Variants in NOD1 observed in about 807,000 individuals in gnomAD.
NOD1 encodes the protein nucleotide-binding oligomerization domain-containing protein 1.
In NOD1, 70 loss-of-function variants were observed where a neutral mutation model predicts 81.2. The ratio of observed to expected loss-of-function variants is 0.86; its 90% CI spans 0.71 to 1.05. The LOEUF is 1.05. Ranked by LOEUF, NOD1 falls within the 50% of genes least tolerant of loss-of-function variation. The pLI is 0.00. For synonymous variants in NOD1, 508 were observed against 526.9 expected (o/e 0.96, Z 0.49); for missense variants, 1,233 against 1,228.0 (o/e 1.00, Z -0.06).
chr7:30,476,865 G>C (rs2128114466), intron 1 of NOD1, among the ~76,000 whole-genome samples: 1 of 152,310 alleles, frequency 6.6e-6, no homozygotes, highest in East Asian at 1.9e-4. Context: ...GCGTTGAAGG[G>C]AACATTTTAT....
In NOD1 at chr7:30,456,866, T is replaced by TG. The variant is rs1276522313; in HGVS notation, c.55dup (p.His19ProfsTer30). On this transcript the variant is annotated frameshift_variant, in exon 4 of 14. Coordinates refer to ENST00000222823, the MANE Select transcript of NOD1 (RefSeq NM_006092.4). LOFTEE classifies it high-confidence loss of function. Reference sequence around the variant, plus strand: ...CCGATTGCTTTTCAGTAATTGAATGTGGGGGTGAGACTCTGATGGGATTAT... The same window carrying TG: ...CCGATTGCTTTTCAGTAATTGAATGTGGGGGGTGAGACTCTGATGGGATTAT... The TG allele has an allele frequency of 1.2e-6, 2 of 1,614,078 alleles. No homozygotes were observed. The highest frequency in any genetic ancestry group is 1.3e-5 in the African/African-American group (1 of 74,920).
chr7:30,461,681 A>G (rs1041762167), intron 1 of NOD1, among the ~76,000 whole-genome samples: 2 of 152,336 alleles, frequency 1.3e-5, no homozygotes, highest in East Asian at 3.9e-4. Context: ...TTGAGACATC[A>G]GAGTTCCTGC....
At chr7:30,433,262 C>T in intron 11 of NOD1, 83 bp from the exon 12 acceptor site, 2 of 1,046,958 alleles carry the variant, frequency 1.9e-6, no homozygotes, top group Admixed American at 1.9e-5. Flanking sequence ...GGGAGCTCAG[C>T]CCAAGGCTCT....
intron 1 of NOD1, among the ~76,000 whole-genome samples, chr7:30,462,008 G>T (rs1388392240): frequency 6.6e-6 from 1 of 152,184 alleles, no homozygotes; most frequent in Non-Finnish European, 1.5e-5. Flanking sequence ...AAAGTGCTGG[G>T]ATTACAGGTG....
intron 8 of NOD1, 24 bp from the exon 9 acceptor site, chr7:30,446,248 C>A: frequency 1.3e-6 from 2 of 1,582,782 alleles, no homozygotes; most frequent in South Asian, 1.1e-5. Flanking sequence ...CACACACAGT[C>A]AGCCTCCAGC....
At chr7:30,475,673 T>C (rs1583905469) in intron 1 of NOD1, among the ~76,000 whole-genome samples, 2 of 152,218 alleles carry the variant, frequency 1.3e-5, no homozygotes, top group African/African-American at 4.8e-5. Flanking sequence ...GAAGGGCCGG[T>C]GGCATGCCTG....
chr7:30,431,456 C>A (rs1251035833), intron 12 of NOD1, among the ~76,000 whole-genome samples: 1 of 152,190 alleles, frequency 6.6e-6, no homozygotes, highest in Non-Finnish European at 1.5e-5. Context: ...ACATATAAAT[C>A]AATGGACCAG....
intron 11 of NOD1, among the ~76,000 whole-genome samples, 165 bp downstream of exon 11, chr7:30,435,833 C>A (rs1412462857): frequency 2.0e-5 from 3 of 152,088 alleles, no homozygotes; most frequent in Non-Finnish European, 4.4e-5. Flanking sequence ...GTGGTGCATG[C>A]CTATAGTCTC....
Position 30,448,393 on chromosome 7 carries a change from C to T in NOD1, c.2202-12G>A, listed in dbSNP as rs772113099. On this transcript the variant is annotated splice_polypyrimidine_tract_variant and intron_variant, in intron 6 of 13. Coordinates refer to ENST00000222823, the MANE Select transcript of NOD1 (RefSeq NM_006092.4). ...GGTTTACGCTGAGTCTGAAATAAAACAGCAAAAAAATTACGAGTCAGGGCA... is the reference window on the plus strand; with the variant it reads ...GGTTTACGCTGAGTCTGAAATAAAATAGCAAAAAAATTACGAGTCAGGGCA... 1.4e-5 allele frequency: 22 copies of T among 1,611,282 alleles called. No individual in the cohort carries two copies. In the Admixed American group the frequency reaches 1.7e-4, roughly 12 times the overall value.
chr7:30,474,711 G>A (rs1041472353), intron 1 of NOD1, among the ~76,000 whole-genome samples: 4 of 152,202 alleles, frequency 2.6e-5, no homozygotes, highest in East Asian at 1.9e-4. Flanking sequence ...AGAGGCCACC[G>A]ACTGGTATTG....
intron 11 of NOD1, among the ~76,000 whole-genome samples, chr7:30,435,569 A>T (rs991922985): frequency 7.9e-5 from 12 of 152,240 alleles, no homozygotes; most frequent in African/African-American, 2.9e-4. Context: ...AACTTAACTG[A>T]AAGGCCTAGA....
rs780131661 is a variant in NOD1, at chr7:30,448,366, C to T, written c.2217G>A (p.Gln739=). The change falls in exon 7 of 14, where the codon CAG becomes CAA. Residue 739 remains glutamine, a synonymous_variant. Coordinates refer to ENST00000222823, the MANE Select transcript of NOD1 (RefSeq NM_006092.4). The part of the protein sequence containing the change: ...RLTVLRLSVN[Q]ITDGGVKVLS... ...GCACCTTTACCCCACCGTCAGTGATCTGGTTTACGCTGAGTCTGAAATAAA... is the reference window on the plus strand; with the variant it reads ...GCACCTTTACCCCACCGTCAGTGATTTGGTTTACGCTGAGTCTGAAATAAA... 6.2e-7 allele frequency: 1 copy of T among 1,613,992 alleles called. No homozygotes were observed. The highest frequency in any genetic ancestry group is 8.5e-7 in the Non-Finnish European group (1 of 1,179,946).
chr7:30,451,705 C>T lies in NOD1; in HGVS notation c.1712G>A (p.Ser571Asn), dbSNP rs1170352840. The change falls in exon 6 of 14, where the codon AGT (serine) becomes AAT (asparagine). Residue 571 changes from serine to asparagine, a missense_variant. By Grantham distance (46) the Ser-to-Asn change is conservative (BLOSUM62 1). Transcript: ENST00000222823. The surrounding 1 kb of genome is among the most constrained non-coding windows in gnomAD (Gnocchi z 4.2). ...PFLPFQCLQG[S>N]GPAREDLFKN... is the part of the protein sequence containing the mutation. ...GAAGAGGTCTTCCCGCGCCGGACCACTGCCCTGCAGGCACTGGAACGGGAG... is the reference window on the plus strand; with the variant it reads ...GAAGAGGTCTTCCCGCGCCGGACCATTGCCCTGCAGGCACTGGAACGGGAG... 1 of 1,613,790 alleles carries T rather than the reference C, an allele frequency of 6.2e-7. No individual in the cohort carries two copies.
intron 10 of NOD1, among the ~76,000 whole-genome samples, chr7:30,436,341 G>A (rs780206821): frequency 3.9e-5 from 6 of 152,228 alleles, no homozygotes; most frequent in South Asian, 4.1e-4. Context: ...GGCTGGGGTC[G>A]GCACCTCAGG....
In NOD1 at chr7:30,460,595, A is replaced by C. The variant is rs995496564; in HGVS notation, c.-351-554T>G. 4.1e-6 allele frequency: 4 copies of C among 985,336 alleles called. No individual in the cohort carries two copies. In the African/African-American group the frequency reaches 7.0e-5, roughly 17 times the overall value. The allele number at this position is 985,336 out of a possible 1,614,324, so 61.0% of individuals were successfully genotyped here. On this transcript the variant is annotated intron_variant, in intron 1 of 13. Transcript: ENST00000222823. ...GCAGCCAGAAAACAGGACACACCGCAGAACAAAAGATGGATCACCAAGTGG... is the reference window on the plus strand; with the variant it reads ...GCAGCCAGAAAACAGGACACACCGCCGAACAAAAGATGGATCACCAAGTGG...
chr7:30,432,173 A>G (rs1784006183), intron 12 of NOD1, among the ~76,000 whole-genome samples: 1 of 152,208 alleles, frequency 6.6e-6, no homozygotes, highest in Non-Finnish European at 1.5e-5. Context: ...AAAACTCCAC[A>G]GAAAGAAAGA....
At chr7:30,434,194 C>T (rs1360957395) in intron 11 of NOD1, among the ~76,000 whole-genome samples, 1 of 152,212 alleles carries the variant, frequency 6.6e-6, no homozygotes, top group African/African-American at 2.4e-5. Context: ...AGTTTTCTCA[C>T]TGGTGAACGT....
rs1479714831 is a variant in NOD1, at chr7:30,439,758, C to G, written c.2454-2102G>C. 5.9e-3 allele frequency among the ~76,000 whole-genome samples: 385 copies of G among 65,390 alleles called. 5 individuals are homozygous for G. The highest frequency in any genetic ancestry group is 0.02 in the African/African-American group (264 of 13,442). 42.9% of individuals were successfully genotyped at this position (65,390 alleles called of 152,430 possible). A position where few individuals can be genotyped will look rare whatever the true frequency, so the allele number is the denominator to read the frequency against. ...TCGAACTGGGTGGAGCCCACCACAG[C>G]TCAAGGAGGCCTGCCTGCCTCTGTA... is the stretch of plus-strand genomic sequence containing the variant. On this transcript the variant is annotated intron_variant, in intron 9 of 13. Transcript: ENST00000222823.
At chr7:30,446,873 G>T in intron 8 of NOD1, 94 bp downstream of exon 8, 1 of 1,018,794 alleles carries the variant, frequency 9.8e-7, no homozygotes, top group Non-Finnish European at 1.5e-6. Context: ...AAGGCTTTAG[G>T]ATGAAAGCTC....
Sources: gnomAD v4.1 joint callset for allele counts (sites outside exome capture counted in the v4.1 genomes callset) on GRCh38, gnomAD v4.1.1 for gene constraint, Gnocchi (gnomAD v3.1) non-coding constraint, MANE v1.5 for transcripts, NCBI Gene and HGNC (gene_info 2026-07-23, HGNC 2026-07-21) for gene names.